The following NIBAN1 variants were observed in gnomAD, a reference collection of about 807,000 sequenced individuals.
NIBAN1 encodes niban apoptosis regulator 1.
Under a neutral mutation model 75.1 loss-of-function variants are expected in NIBAN1, and 81 were observed. The ratio of observed to expected loss-of-function variants is 1.08; its 90% CI spans 0.90 to 1.30. NIBAN1 has a LOEUF of 1.30. Ranked by LOEUF, NIBAN1 falls within the 50% of genes most tolerant of loss-of-function variation. The probability of loss-of-function intolerance (pLI) is 0.00; values close to 1 mark genes in which losing one functional copy is unlikely to be tolerated. For missense variants in NIBAN1, 1,133 were observed against 1,128.1 expected, an observed-to-expected ratio of 1.00 and a Z score of -0.06; for synonymous variants, 436 against 424.8, an observed-to-expected ratio of 1.03 and a Z score of -0.32.
rs192888382 is a variant in NIBAN1, at chr1:184,938,884, G to A, written c.55+35418C>T. 6.0e-4 allele frequency among the ~76,000 whole-genome samples: 92 copies of A among 152,270 alleles called. 1 individual carries two copies. The highest frequency in any genetic ancestry group is 2.1e-3 in the African/African-American group (86 of 41,542). Reference sequence around the variant, plus strand: ...AGGGCTTGCTCCAGTAATCATGGCCGATATCCCATGGCCAGTGGATAAACT... The same window carrying A: ...AGGGCTTGCTCCAGTAATCATGGCCAATATCCCATGGCCAGTGGATAAACT... On this transcript the variant is annotated intron_variant, in intron 1 of 13. Transcript: ENST00000367511.
At position 184,806,013 on chromosome 1, in the gene NIBAN1, G is replaced by A. The variant is rs1318422105; in HGVS notation, c.1379C>T (p.Pro460Leu). ...TTTGGAGGCCTCTCCTTGGAGATGT[G>A]GGGAAAGCAACTGCTCAAAAGTGAA... Reference protein sequence around the residue: ...AVFTFEQLLSPHLQGEASKTA... With the variant: ...AVFTFEQLLSLHLQGEASKTA... Residue 460 changes from proline to leucine, a missense_variant, in exon 11 of 14, where the codon CCA becomes CTA. By Grantham distance (98) the Pro-to-Leu change is moderately conservative. Transcript: ENST00000367511. The A allele has an allele frequency of 6.2e-7, 1 of 1,614,114 alleles. No individual in the cohort carries two copies. The highest frequency in any genetic ancestry group is 1.3e-5 in the African/African-American group (1 of 75,036).
intron 12 of NIBAN1, among the ~76,000 whole-genome samples, chr1:184,803,257 C>A (rs1486620104): frequency 6.6e-6 from 1 of 152,180 alleles, no homozygotes; most frequent in East Asian, 1.9e-4. Flanking sequence ...ATGTCAACCC[C>A]TAGTTTGGCT....
intron 4 of NIBAN1, among the ~76,000 whole-genome samples, chr1:184,889,241 C>A (rs1445804234): frequency 6.6e-6 from 1 of 152,108 alleles, no homozygotes; most frequent in African/African-American, 2.4e-5. Flanking sequence ...GAAGGTTAGA[C>A]CTAGAAAGAC....
chr1:184,828,248 T>TTC (rs1291765718), intron 6 of NIBAN1, among the ~76,000 whole-genome samples: 43 of 152,152 alleles, frequency 2.8e-4, no homozygotes, highest in African/African-American at 9.7e-4. Flanking sequence ...TAACCATCGC[T>TTC]ATGAGGGCCT....
intron 5 of NIBAN1, among the ~76,000 whole-genome samples, chr1:184,870,842 G>C (rs538262503): frequency 3.9e-5 from 6 of 152,270 alleles, no homozygotes; most frequent in African/African-American, 1.4e-4. Context: ...AAGTTCTTTT[G>C]AATACCTCAA....
intron 6 of NIBAN1, among the ~76,000 whole-genome samples, chr1:184,831,314 C>T (rs1339053718): frequency 6.6e-6 from 1 of 152,122 alleles, no homozygotes; most frequent in Non-Finnish European, 1.5e-5. Flanking sequence ...TTCATTACTT[C>T]ATTTACATAT....
chr1:184,808,037 T>C (rs761970115), intron 10 of NIBAN1, 37 bp downstream of exon 10: 1 of 1,611,618 alleles, frequency 6.2e-7, no homozygotes, highest in South Asian at 1.1e-5. Flanking sequence ...GCTCTCTCTT[T>C]ACCCTCATCC....
chr1:184,801,677 G>T (rs1654046668), intron 12 of NIBAN1, among the ~76,000 whole-genome samples: 1 of 152,196 alleles, frequency 6.6e-6, no homozygotes, highest in African/African-American at 2.4e-5. Context: ...ATGGCATCCT[G>T]TTTGCCTGTC....
intron 1 of NIBAN1, among the ~76,000 whole-genome samples, chr1:184,905,180 A>T (rs1657060191): frequency 6.6e-6 from 1 of 152,102 alleles, no homozygotes; most frequent in African/African-American, 2.4e-5. Flanking sequence ...GGGGCAGAAC[A>T]GGAGAGGCTA....
At chr1:184,945,288 G>A (rs1282335193) in intron 1 of NIBAN1, among the ~76,000 whole-genome samples, 1 of 152,168 alleles carries the variant, frequency 6.6e-6, no homozygotes, top group East Asian at 1.9e-4. Context: ...AATCAATGAT[G>A]TCATGAGAGA....
intron 1 of NIBAN1, among the ~76,000 whole-genome samples, chr1:184,965,298 C>CAA (rs569915154): frequency 1.5e-5 from 2 of 134,248 alleles, no homozygotes; most frequent in Non-Finnish European, 3.2e-5. Flanking sequence ...GACTCCATCT[C>CAA]AAAAAAAAAA....
rs1558093163 is a variant in NIBAN1, at chr1:184,795,730, G to A, written c.2034C>T (p.Gly678=). The part of the protein sequence containing the change: ...VATEDTAGLP[G]TCSSELEFGG... ...CAAACTCCAGCTCTGATGAGCATGTGCCCGGGAGTCCTGCTGTGTCCTCTG... is the reference window on the plus strand; with the variant it reads ...CAAACTCCAGCTCTGATGAGCATGTACCCGGGAGTCCTGCTGTGTCCTCTG... The change falls in exon 14 of 14, where the codon GGC becomes GGT. Residue 678 remains glycine (G), a synonymous_variant. Coordinates refer to ENST00000367511, the MANE Select transcript of NIBAN1 (RefSeq NM_052966.4). The A allele has an allele frequency of 6.2e-7, 1 of 1,613,004 alleles. No homozygotes were observed. Among genetic ancestry groups the A allele is most frequent in the Non-Finnish European group, 8.5e-7 (1 of 1,179,334 alleles).
rs750801506 is a variant in NIBAN1, at chr1:184,795,430, G to A, written c.2334C>T (p.Pro778=). 2.2e-5 allele frequency: 36 copies of A among 1,606,120 alleles called. No individual in the cohort carries two copies. Among genetic ancestry groups the A allele is most frequent in the Non-Finnish European group, 2.8e-5 (33 of 1,176,154 alleles). Residue 778 remains proline (P), a synonymous_variant, in exon 14 of 14, where the codon CCC becomes CCT. Transcript: ENST00000367511. ...CCCCCAACTCCTCCCCATGGGCCTC[G>A]GGACAGGGAGGTTGGGCCTCCCTCT... The part of the protein sequence containing the change: ...VSEREAQPPC[P]EAHGEELGGF...
chr1:184,798,293 A>G, intron 12 of NIBAN1, 103 bp from the exon 13 acceptor site: 1 of 659,958 alleles, frequency 1.5e-6, no homozygotes. Flanking sequence ...CTCTTCTTGG[A>G]GGGCATAAGA....
chr1:184,822,991 A>T (rs1654744522), intron 8 of NIBAN1, among the ~76,000 whole-genome samples, 176 bp downstream of exon 8: 1 of 152,208 alleles, frequency 6.6e-6, no homozygotes, highest in South Asian at 2.1e-4. Context: ...TGAAGCTTCC[A>T]CGGGAAGGCC....
intron 5 of NIBAN1, among the ~76,000 whole-genome samples, chr1:184,858,524 CA>C (rs974402757): frequency 5.4e-5 from 8 of 147,556 alleles, no homozygotes; most frequent in Non-Finnish European, 1.0e-4. Flanking sequence ...ATCAGCTTGT[CA>C]AAAAAAAACA....
At chr1:184,973,599 T>C (rs1349544256) in intron 1 of NIBAN1, among the ~76,000 whole-genome samples, 3 of 152,132 alleles carry the variant, frequency 2.0e-5, no homozygotes, top group Non-Finnish European at 4.4e-5. Flanking sequence ...CGGTTTGGGT[T>C]TTGTTTTGTT....
intron 9 of NIBAN1, among the ~76,000 whole-genome samples, chr1:184,812,791 T>C (rs1240075966): frequency 6.6e-6 from 1 of 152,234 alleles, no homozygotes; most frequent in Non-Finnish European, 1.5e-5. Flanking sequence ...GTTTTGCCCT[T>C]TCACACTGGT....
chr1:184,907,951 C>G (rs1657145708), intron 1 of NIBAN1, among the ~76,000 whole-genome samples: 1 of 152,240 alleles, frequency 6.6e-6, no homozygotes, highest in Non-Finnish European at 1.5e-5. Context: ...TATTCATCCA[C>G]AAAGAGAAAC....
Sources: gnomAD v4.1 joint callset for allele counts (sites outside exome capture counted in the v4.1 genomes callset) on GRCh38, gnomAD v4.1.1 for gene constraint, MANE v1.5 for transcripts, NCBI Gene and HGNC (gene_info 2026-07-23, HGNC 2026-07-21) for gene names.